Variants in CDH8 observed in about 807,000 individuals in gnomAD.
The protein encoded by CDH8 is cadherin 8.
CDH8 carries 17 observed loss-of-function variants against 68.1 expected under a neutral mutation model. That is an observed-to-expected ratio of 0.25 (90% CI 0.17 to 0.37). CDH8 has a LOEUF of 0.37. Ranked by LOEUF, CDH8 falls within the 10% of genes least tolerant of loss-of-function variation. The pLI, the probability that CDH8 is intolerant of heterozygous loss-of-function variation, is 1.00. For synonymous variants in CDH8, 372 were observed against 365.1 expected, an observed-to-expected ratio of 1.02 and a Z score of -0.21; for missense variants, 763 against 999.3, an observed-to-expected ratio of 0.76 and a Z score of 3.19.
At chr16:61,992,664 A>G (rs1485031076) in intron 2 of CDH8, among the ~76,000 whole-genome samples, 1 of 152,196 alleles carries the variant, frequency 6.6e-6, no homozygotes, top group Non-Finnish European at 1.5e-5. Flanking sequence ...CCTTGGATTC[A>G]GTCATTTAAC....
intron 2 of CDH8, among the ~76,000 whole-genome samples, chr16:61,908,476 A>G (rs1964100305): frequency 6.6e-6 from 1 of 152,222 alleles, no homozygotes; most frequent in South Asian, 2.1e-4. Context: ...ACTGCTACCA[A>G]AAAGATCAGG....
intron 9 of CDH8, chr16:61,725,735 A>T (rs989492841): frequency 1.2e-4 from 18 of 151,044 alleles, no homozygotes; most frequent in African/African-American, 2.9e-4. Flanking sequence ...ATAGGGGGTA[A>T]TTCCACATGA....
chr16:61,700,934 A>G lies in CDH8; in HGVS notation c.1654+12907T>C, dbSNP rs141256197. Reference sequence around the variant, plus strand: ...ATAAATAATAAACCTTTGAAGTGATATATGTGCTAATTACCCTGATTTGAT... The same window carrying G: ...ATAAATAATAAACCTTTGAAGTGATGTATGTGCTAATTACCCTGATTTGAT... On this transcript the variant is annotated intron_variant, in intron 10 of 11. Coordinates refer to ENST00000577390, the MANE Select transcript of CDH8 (RefSeq NM_001796.5). Among the ~76,000 whole-genome samples, 274 of 152,370 alleles carry G rather than the reference A, an allele frequency of 1.8e-3. 1 individual carries two copies. The highest frequency in any genetic ancestry group is 6.1e-3 in the African/African-American group (254 of 41,590).
chr16:61,958,125 A>G (rs1435748546), intron 2 of CDH8, among the ~76,000 whole-genome samples: 1 of 152,198 alleles, frequency 6.6e-6, no homozygotes, highest in Admixed American at 6.5e-5. Flanking sequence ...TAAATTGATC[A>G]AACCCTGTGG....
At chr16:61,710,543 C>G (rs924579242) in intron 10 of CDH8, among the ~76,000 whole-genome samples, 4 of 152,096 alleles carry the variant, frequency 2.6e-5, no homozygotes, top group Admixed American at 1.3e-4. Context: ...TCATCAGGTA[C>G]TATGGTTCTC....
intron 2 of CDH8, among the ~76,000 whole-genome samples, chr16:61,978,467 T>A (rs1965477661): frequency 6.6e-6 from 1 of 152,196 alleles, no homozygotes. Context: ...ATGCTTGATG[T>A]TTGCTTCAAA....
chr16:61,725,409 T>C (rs1261564408), intron 9 of CDH8: 3 of 150,876 alleles, frequency 2.0e-5, no homozygotes, highest in Non-Finnish European at 3.0e-5. Flanking sequence ...ATCAATGTCA[T>C]TGACTCCTTG....
intron 7 of CDH8, among the ~76,000 whole-genome samples, chr16:61,815,192 A>G (rs529491553): frequency 6.6e-6 from 1 of 152,194 alleles, no homozygotes; most frequent in South Asian, 2.1e-4. Flanking sequence ...AATCCCCTTT[A>G]GCTTTCCTGA....
At chr16:61,659,911 A>G (rs916568512) in intron 10 of CDH8, among the ~76,000 whole-genome samples, 2 of 152,168 alleles carry the variant, frequency 1.3e-5, no homozygotes, top group African/African-American at 4.8e-5. Flanking sequence ...CTGTAGAGTA[A>G]TTTAGGTTCC....
chr16:62,007,924 G>A (rs1023440182), intron 2 of CDH8, among the ~76,000 whole-genome samples: 14 of 151,552 alleles, frequency 9.2e-5, no homozygotes, highest in East Asian at 1.9e-4. Context: ...CTGGCTCTAG[G>A]CTCCTTTTTT....
At chr16:61,771,899 T>C (rs1010694979) in intron 8 of CDH8, among the ~76,000 whole-genome samples, 2 of 151,942 alleles carry the variant, frequency 1.3e-5, no homozygotes, top group Non-Finnish European at 1.5e-5. Context: ...TACAAGTTTT[T>C]TCCTCCATAC....
intron 8 of CDH8, among the ~76,000 whole-genome samples, chr16:61,761,148 A>G (rs1596941986): frequency 6.6e-6 from 1 of 152,208 alleles, no homozygotes; most frequent in Admixed American, 6.6e-5. Flanking sequence ...ATTAAGAAGA[A>G]TACCAATATT....
chr16:61,760,934 T>C (rs9936272), intron 8 of CDH8, among the ~76,000 whole-genome samples: 48,612 of 151,852 alleles, frequency 0.32, 8,930 homozygotes, highest in African/African-American at 0.51. Flanking sequence ...AGGGAAGACA[T>C]AAACAATGAA....
chr16:61,789,427 C>A lies in CDH8; in HGVS notation c.1333G>T (p.Asp445Tyr), dbSNP rs756831047. The change falls in exon 8 of 12, where the codon GAT becomes TAT. Residue 445 changes from aspartate (D) to tyrosine (Y), a missense_variant. Physicochemically the swap from Asp to Tyr is radical, Grantham distance 160. This residue lies in a region of CDH8 where 366 missense variants were observed against 563.1 expected (regional missense o/e 0.65). Coordinates refer to ENST00000577390, the MANE Select transcript of CDH8 (RefSeq NM_001796.5). Reference sequence around the variant, plus strand: ...GGTGTTGCCAGCGTTATCTTCCCATCGTCTGCATTAATGTTGAACTGCCTC... The same window carrying A: ...GGTGTTGCCAGCGTTATCTTCCCATAGTCTGCATTAATGTTGAACTGCCTC... ...LERQFNINAD[D>Y]GKITLATPLD... The A allele has an allele frequency of 1.9e-6, 3 of 1,613,108 alleles. No individual in the cohort carries two copies. Among genetic ancestry groups the A allele is most frequent in the Non-Finnish European group, 2.5e-6 (3 of 1,179,342 alleles).
chr16:61,853,343 T>C (rs1475475365), intron 4 of CDH8, among the ~76,000 whole-genome samples: 1 of 152,144 alleles, frequency 6.6e-6, no homozygotes, highest in Non-Finnish European at 1.5e-5. Flanking sequence ...ACAAGATTTA[T>C]TGTCTCATGC....
chr16:61,883,784 A>G (rs1266956868), intron 3 of CDH8, among the ~76,000 whole-genome samples: 3 of 152,010 alleles, frequency 2.0e-5, no homozygotes, highest in Non-Finnish European at 2.9e-5. Flanking sequence ...TCTTAAGCAC[A>G]AAGTCTTTCT....
At chr16:61,704,264 C>A (rs1964490064) in intron 10 of CDH8, among the ~76,000 whole-genome samples, 1 of 152,156 alleles carries the variant, frequency 6.6e-6, no homozygotes, top group South Asian at 2.1e-4. Context: ...AATAGCTTTA[C>A]AAAATGCTTC....
intron 10 of CDH8, among the ~76,000 whole-genome samples, chr16:61,699,840 T>C (rs1327833836): frequency 1.3e-5 from 2 of 152,144 alleles, no homozygotes; most frequent in Non-Finnish European, 2.9e-5. Context: ...CCTCCCAAAA[T>C]GTTGGGATTA....
In CDH8 at chr16:61,649,661, A is replaced by G. The variant is rs1403971716; in HGVS notation, c.*3947T>C. On this transcript the variant is annotated 3_prime_UTR_variant, in exon 12 of 12. Coordinates refer to ENST00000577390, the MANE Select transcript of CDH8 (RefSeq NM_001796.5). Reference sequence around the variant, plus strand: ...GCCCTGATCTCAGATGGAACTTTCAATCAAAAAGGCAATCAGAAGGTTATA... The same window carrying G: ...GCCCTGATCTCAGATGGAACTTTCAGTCAAAAAGGCAATCAGAAGGTTATA... 1 of 151,976 alleles carries G rather than the reference A, an allele frequency of 6.6e-6. No homozygotes were observed. The highest frequency in any genetic ancestry group is 1.5e-5 in the Non-Finnish European group (1 of 68,008). The allele number at this position is 151,976 out of a possible 1,614,324, so 9.4% of individuals were successfully genotyped here. A position where few individuals can be genotyped will look rare whatever the true frequency, so the allele number is the denominator to read the frequency against.
Sources: gnomAD v4.1 joint callset for allele counts (sites outside exome capture counted in the v4.1 genomes callset) on GRCh38, gnomAD v4.1.1 for gene constraint, gnomAD v4.1.1 regional missense constraint, MANE v1.5 for transcripts, NCBI Gene and HGNC (gene_info 2026-07-23, HGNC 2026-07-21) for gene names.